MCM9: variants seen among roughly 807,000 people sequenced by gnomAD.
MCM9 encodes the protein minichromosome maintenance 9 homologous recombination repair factor.
In MCM9, 55 loss-of-function variants were observed where a neutral mutation model predicts 72.8. That is an observed-to-expected ratio of 0.76 (90% CI 0.61 to 0.95). The LOEUF (loss-of-function observed/expected upper bound fraction) is 0.95, where lower values mean the gene tolerates loss of function less well. MCM9 is among the 40% of genes least tolerant of loss of function. The pLI, the probability that MCM9 is intolerant of heterozygous loss-of-function variation, is 0.00. For synonymous variants in MCM9, 480 were observed against 503.4 expected (o/e 0.95, Z 0.62); for missense variants, 1,279 against 1,377.0 (o/e 0.93, Z 1.13).
chr6:118,880,638 A>G (rs919309799), intron 8 of MCM9, among the ~76,000 whole-genome samples: 2 of 152,204 alleles, frequency 1.3e-5, no homozygotes, highest in African/African-American at 4.8e-5. Context: ...CTGTCTTATG[A>G]GAGGCAAGAA....
intron 5 of MCM9, chr6:118,919,467 G>A (rs1781254276): frequency 6.6e-6 from 1 of 151,566 alleles, no homozygotes; most frequent in Non-Finnish European, 1.5e-5. Flanking sequence ...GCAGTATCTA[G>A]AAGACGGCAA....
In MCM9 at chr6:118,854,614, G is replaced by C. The variant is rs550665022; in HGVS notation, c.1325+1757C>G. Among the ~76,000 whole-genome samples, 5 of 152,310 alleles carry C rather than the reference G, an allele frequency of 3.3e-5. No individual in the cohort carries two copies. In the South Asian group the frequency reaches 1.0e-3, roughly 32 times the overall value. On this transcript the variant is annotated intron_variant, in intron 9 of 13. Transcript: ENST00000619706. ...GTGATCCACCTGCCTTGGCCTCCCA[G>C]AGTGCTGGGATTACAGGCGTGAGCC...
chr6:118,893,846 A>AAAAC (rs1554260262), intron 8 of MCM9, among the ~76,000 whole-genome samples: 14 of 45,778 alleles, frequency 3.1e-4, no homozygotes, highest in African/African-American at 7.6e-4. Context: ...CCAAAAAAAC[A>AAAAC]AAAAAAAAAA....
intron 8 of MCM9, among the ~76,000 whole-genome samples, chr6:118,864,425 C>A (rs1300535233): frequency 1.3e-5 from 2 of 152,012 alleles, no homozygotes; most frequent in Non-Finnish European, 1.5e-5. Flanking sequence ...GGTAGTGATG[C>A]CAGCAACATG....
At chr6:118,833,099 A>C (rs1040054624) in intron 9 of MCM9, among the ~76,000 whole-genome samples, 2 of 152,214 alleles carry the variant, frequency 1.3e-5, no homozygotes, top group African/African-American at 4.8e-5. Flanking sequence ...CCCTGGAGTC[A>C]GAGAGCCACA....
chr6:118,828,027 CT>C lies in MCM9; in HGVS notation c.1631del (p.Gln544ArgfsTer29), dbSNP rs1263840131. The C allele has an allele frequency of 6.4e-7, 1 of 1,550,742 alleles. No homozygotes were observed. Among genetic ancestry groups the C allele is most frequent in the Non-Finnish European group, 8.7e-7 (1 of 1,147,082 alleles). On this transcript the variant is annotated frameshift_variant, in exon 11 of 14. Coordinates refer to ENST00000619706, the MANE Select transcript of MCM9 (RefSeq NM_017696.3). LOFTEE classifies it high-confidence loss of function. Reference sequence around the variant, plus strand: ...GCATCTGGTAGTACCGGAGAAGAACCTGATTGCCCACATCAGACAGTGTGGG... The same window carrying C: ...GCATCTGGTAGTACCGGAGAAGAACCGATTGCCCACATCAGACAGTGTGGG... ...LQPTLSDVGNQVLLRYYQMQR... is the reference protein window; with the variant it reads ...LQPTLSDVGNXVLLRYYQMQR...
At chr6:118,898,423 T>C (rs1373970309) in intron 8 of MCM9, among the ~76,000 whole-genome samples, 1 of 147,104 alleles carries the variant, frequency 6.8e-6, no homozygotes, top group East Asian at 1.9e-4. Context: ...CTTTATGTAA[T>C]AATTTTTTTT....
chr6:118,935,061 C>G lies in MCM9; in HGVS notation c.-320G>C, dbSNP rs980776699. Reference sequence around the variant, plus strand: ...GGCCGCGGGGACGCGCGGGCTGTGTCGGGCGGCCTAGCGCCTGCGGCTCTG... The same window carrying G: ...GGCCGCGGGGACGCGCGGGCTGTGTGGGGCGGCCTAGCGCCTGCGGCTCTG... On this transcript the variant is annotated 5_prime_UTR_variant, in exon 1 of 14. Transcript: ENST00000619706. The G allele has an allele frequency of 6.6e-6, 1 of 152,062 alleles. No homozygotes were observed. Among genetic ancestry groups the G allele is most frequent in the African/African-American group, 2.4e-5 (1 of 41,434 alleles). 9.4% of individuals were successfully genotyped at this position (152,062 alleles called of 1,614,324 possible).
rs887902149 is a variant in MCM9 at position 118,906,979 on chromosome 6, G to C, written c.1150+4671C>G. On this transcript the variant is annotated intron_variant, in intron 8 of 13. Coordinates refer to ENST00000619706, the MANE Select transcript of MCM9 (RefSeq NM_017696.3). ...TCTAAGAATGAGCCATCTTTAAAAG[G>C]TGTAGGAAACCATTAATAATAAGTT... Among the ~76,000 whole-genome samples the C allele has an allele frequency of 5.9e-5, 9 of 152,104 alleles. No individual in the cohort carries two copies. The South Asian group carries it at 8.3e-4, about 14-fold the overall frequency.
intron 6 of MCM9, among the ~76,000 whole-genome samples, chr6:118,914,162 A>G (rs76432696): frequency 0.02 from 3,003 of 152,294 alleles, 109 homozygotes; most frequent in African/African-American, 0.069. Context: ...AGGGGCATCA[A>G]GGCATTAAGA....
intron 8 of MCM9, among the ~76,000 whole-genome samples, chr6:118,905,203 A>G (rs1001908081): frequency 1.3e-5 from 2 of 152,214 alleles, no homozygotes; most frequent in East Asian, 1.9e-4. Context: ...GTATGAGAAT[A>G]TAAGTATCCT....
Position 118,923,929 on chromosome 6 carries a change from C to G in MCM9, c.503G>C (p.Arg168Pro), listed in dbSNP as rs34665713. The G allele has an allele frequency of 6.2e-7, 1 of 1,614,140 alleles. No homozygotes were observed. The highest frequency in any genetic ancestry group is 8.5e-7 in the Non-Finnish European group (1 of 1,180,022). The change falls in exon 4 of 14, where the codon CGG becomes CCG. Residue 168 changes from arginine to proline, a missense_variant. By Grantham distance (103) the Arg-to-Pro change is moderately radical. Transcript: ENST00000619706. Reference protein sequence around the residue: ...ADFEQYYTFCRPSSCPSLESC... With the variant: ...ADFEQYYTFCPPSSCPSLESC... ...CTCCAAGCTGGGACACGAGGATGGCCGGCAAAAGGTGTAATACTGCTCAAA... is the reference window on the plus strand; with the variant it reads ...CTCCAAGCTGGGACACGAGGATGGCGGGCAAAAGGTGTAATACTGCTCAAA...
chr6:118,839,308 C>G (rs1204170481), intron 9 of MCM9, among the ~76,000 whole-genome samples: 3 of 151,946 alleles, frequency 2.0e-5, no homozygotes, highest in Non-Finnish European at 4.4e-5. Flanking sequence ...ACTGGTTATT[C>G]TAGTTAGCAA....
intron 3 of MCM9, among the ~76,000 whole-genome samples, chr6:118,930,684 G>A (rs1411492738): frequency 2.6e-5 from 4 of 152,308 alleles, no homozygotes; most frequent in Non-Finnish European, 2.9e-5. Context: ...CAGGTTAGGC[G>A]TGTAGCCTTT....
chr6:118,844,697 T>C (rs1211245464), intron 9 of MCM9, among the ~76,000 whole-genome samples: 3 of 150,346 alleles, frequency 2.0e-5, no homozygotes, highest in Admixed American at 6.6e-5. Context: ...GTACTGTCTT[T>C]AAACCCTCGC....
chr6:118,873,876 A>G (rs1004537485), intron 8 of MCM9, among the ~76,000 whole-genome samples: 1 of 152,248 alleles, frequency 6.6e-6, no homozygotes, highest in East Asian at 1.9e-4. Context: ...CTTTAACAAA[A>G]TATTAGTAAA....
chr6:118,843,660 A>ATATATATATATGTG (rs1562407063), intron 9 of MCM9, among the ~76,000 whole-genome samples: 37 of 76,406 alleles, frequency 4.8e-4, no homozygotes, highest in Non-Finnish European at 7.5e-4. Context: ...ATATATGTGT[A>ATATATATATATGTG]TATATATATG....
At chr6:118,853,472 G>T (rs1350540885) in intron 9 of MCM9, among the ~76,000 whole-genome samples, 2 of 151,864 alleles carry the variant, frequency 1.3e-5, no homozygotes, top group Non-Finnish European at 2.9e-5. Flanking sequence ...ATTTCAATAG[G>T]TTTTTGGGGA....
intron 8 of MCM9, among the ~76,000 whole-genome samples, chr6:118,883,460 AC>A (rs1167135926): frequency 0.71 from 107,147 of 151,546 alleles, 39,174 homozygotes; most frequent in South Asian, 0.8. Flanking sequence ...TTGATGAAAA[AC>A]AATGGACTAT....
Sources: gnomAD v4.1 joint callset for allele counts (sites outside exome capture counted in the v4.1 genomes callset) on GRCh38, gnomAD v4.1.1 for gene constraint, MANE v1.5 for transcripts, NCBI Gene and HGNC (gene_info 2026-07-23, HGNC 2026-07-21) for gene names.